Variants in TUSC3 observed in about 807,000 individuals in gnomAD.
The protein encoded by TUSC3 is dolichyl-diphosphooligosaccharide--protein glycosyltransferase subunit TUSC3.
In TUSC3, 45 loss-of-function variants were observed where a neutral mutation model predicts 44.8. That is an observed-to-expected ratio of 1.00 (90% CI 0.79 to 1.29). TUSC3 has a LOEUF of 1.29. Ranked by LOEUF, TUSC3 falls within the 50% of genes most tolerant of loss-of-function variation. The pLI is 0.00. For missense variants in TUSC3, 519 were observed against 437.9 expected, an observed-to-expected ratio of 1.19 and a Z score of -1.65; for synonymous variants, 212 against 152.9, an observed-to-expected ratio of 1.39 and a Z score of -2.85.
At chr8:15,485,245 C>T (rs550467673) in intron 2 of TUSC3, among the ~76,000 whole-genome samples, 4 of 152,290 alleles carry the variant, frequency 2.6e-5, no homozygotes, top group African/African-American at 7.2e-5. Flanking sequence ...ATCGGCAGTG[C>T]AGCATTCTCA....
At position 15,756,888 on chromosome 8, in the gene TUSC3, C is replaced by T. The variant is rs116067146; in HGVS notation, c.1029-903C>T. 4.3e-3 allele frequency among the ~76,000 whole-genome samples: 659 copies of T among 152,264 alleles called. 5 individuals are homozygous for T. Among genetic ancestry groups the T allele is most frequent in the African/African-American group, 0.015 (625 of 41,560 alleles). On this transcript the variant is annotated intron_variant, in intron 9 of 10. Coordinates refer to ENST00000503731, the MANE Select transcript of TUSC3 (RefSeq NM_006765.4). ...GCTGGGCGTGGTACCTCAGGCCTCA[C>T]GCCTAGCACATTGGGAGGCTGAGGC...
chr8:15,524,673 A>T (rs12681253), intron 2 of TUSC3, among the ~76,000 whole-genome samples: 94,842 of 152,044 alleles, frequency 0.62, 31,156 homozygotes, highest in Non-Finnish European at 0.72. Context: ...AAGATAAAAA[A>T]AGACCCAATG....
intron 2 of TUSC3, among the ~76,000 whole-genome samples, chr8:15,526,251 T>A (rs536589977): frequency 1.3e-5 from 2 of 152,226 alleles, no homozygotes; most frequent in East Asian, 3.9e-4. Context: ...GCCAGGGTGG[T>A]CTCGATCTCC....
chr8:15,667,005 A>G (rs1054158878), intron 5 of TUSC3, among the ~76,000 whole-genome samples: 26 of 151,542 alleles, frequency 1.7e-4, no homozygotes, highest in African/African-American at 5.8e-4. Flanking sequence ...TCATATATGG[A>G]TAGATTTTAG....
chr8:15,420,900 C>G (rs73665406), intron 1 of TUSC3, among the ~76,000 whole-genome samples: 2,796 of 152,236 alleles, frequency 0.018, 75 homozygotes, highest in African/African-American at 0.064. Context: ...CTGTCTCAGT[C>G]TTTAATCTTC....
intron 6 of TUSC3, among the ~76,000 whole-genome samples, chr8:15,680,823 C>G (rs935986065): frequency 6.6e-6 from 1 of 152,056 alleles, no homozygotes; most frequent in Non-Finnish European, 1.5e-5. Flanking sequence ...AAAGCTTTTT[C>G]TGTGCCTATT....
intron 6 of TUSC3, among the ~76,000 whole-genome samples, chr8:15,696,209 G>T (rs1372065359): frequency 6.6e-6 from 1 of 152,142 alleles, no homozygotes; most frequent in African/African-American, 2.4e-5. Context: ...CTCGTGCTGT[G>T]TGCAGCCTAG....
rs574561424 is a variant in TUSC3 at position 15,508,069 on chromosome 8, C to T, written n.189+24586C>T. Among the ~76,000 whole-genome samples, 43 of 152,072 alleles carry T rather than the reference C, an allele frequency of 2.8e-4. No homozygotes were observed. The South Asian group carries it at 6.6e-3, about 24-fold the overall frequency. On this transcript the variant is annotated intron_variant and non_coding_transcript_variant, in intron 2 of 5. Transcript: ENST00000503191. Reference sequence around the variant, plus strand: ...CCAGCCTGGTCAACATGGGGAAACCCGTCTCTACTAAAAATACAAAAATTA... The same window carrying T: ...CCAGCCTGGTCAACATGGGGAAACCTGTCTCTACTAAAAATACAAAAATTA...
intron 6 of TUSC3, among the ~76,000 whole-genome samples, chr8:15,718,520 A>G (rs1004262696): frequency 6.6e-5 from 10 of 152,158 alleles, no homozygotes; most frequent in Admixed American, 5.9e-4. Flanking sequence ...AAGATGTGAA[A>G]ATATAGACCT....
chr8:15,504,580 T>TAGATAG (rs1258840399), intron 2 of TUSC3, among the ~76,000 whole-genome samples: 1 of 19,238 alleles, frequency 5.2e-5, no homozygotes, highest in Non-Finnish European at 1.1e-4. Flanking sequence ...ACTTTCAGGA[T>TAGATAG]ATATATATAT....
At chr8:15,611,956 G>T (rs1007606216) in intron 1 of TUSC3, among the ~76,000 whole-genome samples, 1 of 152,162 alleles carries the variant, frequency 6.6e-6, no homozygotes, top group Admixed American at 6.5e-5. Context: ...TTTATCGTTG[G>T]GTTTTCATTG....
At chr8:15,826,397 T>C in the TUSC3 span, among the ~76,000 whole-genome samples, 1 of 152,186 alleles carries the variant, frequency 6.6e-6, no homozygotes, top group African/African-American at 2.4e-5. Flanking sequence ...TTTAATTGCC[T>C]TTTCAGTATG....
chr8:15,691,868 T>G (rs1328457503), intron 6 of TUSC3, among the ~76,000 whole-genome samples: 1 of 152,012 alleles, frequency 6.6e-6, no homozygotes, highest in Non-Finnish European at 1.5e-5. Context: ...AACCTCTGCC[T>G]CTTGGGTTCA....
chr8:15,763,926 C>G (rs1015620151), intron 10 of TUSC3, among the ~76,000 whole-genome samples: 3 of 151,998 alleles, frequency 2.0e-5, no homozygotes, highest in Non-Finnish European at 1.5e-5. Flanking sequence ...AACTGCTGTT[C>G]TAGCCAGCAA....
At chr8:15,718,498 TA>T (rs1414071198) in intron 6 of TUSC3, among the ~76,000 whole-genome samples, 14 of 152,292 alleles carry the variant, frequency 9.2e-5, no homozygotes, top group African/African-American at 3.1e-4. Context: ...AGTCAACCAG[TA>T]GTTACATCAT....
chr8:15,806,688 A>G, the TUSC3 span: 1 of 945,308 alleles, frequency 1.1e-6, no homozygotes, highest in Non-Finnish European at 1.7e-6. Flanking sequence ...CCATGGATAC[A>G]TTTGTAATCA....
chr8:15,451,948 T>A (rs1346655762), intron 1 of TUSC3, among the ~76,000 whole-genome samples: 1 of 152,122 alleles, frequency 6.6e-6, no homozygotes, highest in Non-Finnish European at 1.5e-5. Flanking sequence ...CAGTAGCATT[T>A]TCAGTTTTTA....
At chr8:15,606,427 G>A (rs1409935559) in intron 1 of TUSC3, among the ~76,000 whole-genome samples, 2 of 151,990 alleles carry the variant, frequency 1.3e-5, no homozygotes, top group African/African-American at 2.4e-5. Context: ...GTCAATTTTT[G>A]GGGAGTGAAC....
At chr8:15,552,175 T>C (rs1802081961) in intron 1 of TUSC3, among the ~76,000 whole-genome samples, 2 of 151,806 alleles carry the variant, frequency 1.3e-5, no homozygotes, top group Non-Finnish European at 2.9e-5. Flanking sequence ...CTATTATTGA[T>C]GTAAGCAATA....
Sources: gnomAD v4.1 joint callset for allele counts (sites outside exome capture counted in the v4.1 genomes callset) on GRCh38, gnomAD v4.1.1 for gene constraint, MANE v1.5 for transcripts, NCBI Gene and HGNC (gene_info 2026-07-23, HGNC 2026-07-21) for gene names.